The following LTBP1 variants were observed in gnomAD, a reference collection of about 807,000 sequenced individuals.
The protein encoded by LTBP1 is latent-transforming growth factor beta-binding protein 1.
A neutral mutation model predicts 207.6 loss-of-function variants in LTBP1; 129 were observed. The ratio of observed to expected loss-of-function variants is 0.62; its 90% confidence interval spans 0.54 to 0.72. The LOEUF (loss-of-function observed/expected upper bound fraction) is 0.72. Ranked by LOEUF, LTBP1 falls within the 30% of genes least tolerant of loss-of-function variation. The probability of loss-of-function intolerance (pLI) is 0.00; values close to 1 mark genes in which losing one functional copy is unlikely to be tolerated. For synonymous variants in LTBP1, 963 were observed against 833.7 expected (o/e 1.16, Z -2.67); for missense variants, 2,281 against 2,217.2 (o/e 1.03, Z -0.58).
intron 19 of LTBP1, among the ~76,000 whole-genome samples, chr2:33,289,854 C>G (rs550214917): frequency 6.6e-6 from 1 of 152,296 alleles, no homozygotes; most frequent in Admixed American, 6.5e-5. Context: ...AATCATCTCC[C>G]TCTGCTTCAG....
At chr2:33,056,897 T>C (rs2077028614) in intron 3 of LTBP1, among the ~76,000 whole-genome samples, 1 of 152,120 alleles carries the variant, frequency 6.6e-6, no homozygotes, top group Admixed American at 6.5e-5. Flanking sequence ...ATCCTGCCGA[T>C]TGGTCCATTT....
intron 24 of LTBP1, chr2:33,317,865 G>A (rs946888594): frequency 1.6e-5 from 2 of 128,802 alleles, no homozygotes; most frequent in Non-Finnish European, 3.2e-5. Context: ...ACAATGAAGA[G>A]GCAAACTCTG....
At chr2:33,280,461 C>T (rs190471583) in intron 19 of LTBP1, among the ~76,000 whole-genome samples, 39 of 152,024 alleles carry the variant, frequency 2.6e-4, no homozygotes, top group African/African-American at 9.2e-4. Flanking sequence ...AGATGGAGAG[C>T]AAAACACTTA....
rs934658377 is a variant in LTBP1, at chr2:33,029,212, C to T, written c.863+8006C>T. ...TATTATTTGTCCGGGCGTGATGGCT[C>T]ACACCTGTCATCACAGCACTTTGGG... is the stretch of plus-strand genomic sequence containing the variant. On this transcript the variant is annotated intron_variant, in intron 3 of 33. Coordinates refer to ENST00000404816, the MANE Select transcript of LTBP1 (RefSeq NM_206943.4). 4.6e-5 allele frequency among the ~76,000 whole-genome samples: 7 copies of T among 152,300 alleles called. No homozygotes were observed. The South Asian group carries it at 6.2e-4, about 14-fold the overall frequency.
At position 32,959,619 on chromosome 2, in the gene LTBP1, A is replaced by ATTTTTTTT. The variant is rs1378144146; in HGVS notation, c.565+10675_565+10676insTTTTTTTT. The stretch of plus-strand genomic sequence containing the variant: ...CGTGTATATATATATATATATATAT[A>ATTTTTTTT]TATTTTTTTTTTTTTTTTTGAGATG... On this transcript the variant is annotated intron_variant, in intron 2 of 33. Transcript: ENST00000404816. Among the ~76,000 whole-genome samples, 187 of 48,058 alleles carry ATTTTTTTT rather than the reference A, an allele frequency of 3.9e-3. 1 individual carries two copies. Among genetic ancestry groups the ATTTTTTTT allele is most frequent in the South Asian group, 5.8e-3 (4 of 694 alleles). 31.5% of individuals were successfully genotyped at this position (48,058 alleles called of 152,430 possible). A position where few individuals can be genotyped will look rare whatever the true frequency, so the allele number is the denominator to read the frequency against.
chr2:33,064,551 G>C (rs2077416044), intron 3 of LTBP1, among the ~76,000 whole-genome samples: 1 of 152,210 alleles, frequency 6.6e-6, no homozygotes, highest in Non-Finnish European at 1.5e-5. Context: ...TAGTAGGTTT[G>C]TGTCGCAGTT....
intron 24 of LTBP1, among the ~76,000 whole-genome samples, chr2:33,341,894 A>G (rs566904943): frequency 6.6e-6 from 1 of 152,100 alleles, no homozygotes; most frequent in Non-Finnish European, 1.5e-5. Context: ...ATAAAAGTGC[A>G]ATCTTCTTCA....
chr2:32,971,961 C>G (rs1680943564), intron 2 of LTBP1, among the ~76,000 whole-genome samples: 1 of 152,186 alleles, frequency 6.6e-6, no homozygotes, highest in East Asian at 1.9e-4. Flanking sequence ...CTTTTTATTA[C>G]TGATTGAATT....
At chr2:33,396,411 A>G (rs1411232677) in intron 32 of LTBP1, among the ~76,000 whole-genome samples, 1 of 152,078 alleles carries the variant, frequency 6.6e-6, no homozygotes, top group African/African-American at 2.4e-5. Flanking sequence ...TAGTAGAGAC[A>G]GGGTTTCACC....
At chr2:33,344,203 C>T (rs1332360529) in intron 25 of LTBP1, among the ~76,000 whole-genome samples, 1 of 152,188 alleles carries the variant, frequency 6.6e-6, no homozygotes, top group Non-Finnish European at 1.5e-5. Flanking sequence ...TAAGCAGTAG[C>T]TAGTCAAAAA....
intron 10 of LTBP1, among the ~76,000 whole-genome samples, chr2:33,248,597 T>A (rs1478307494): frequency 2.6e-5 from 4 of 151,902 alleles, no homozygotes; most frequent in Non-Finnish European, 5.9e-5. Context: ...TTTTTTTTTT[T>A]TTTTTTTGAG....
chr2:32,995,200 C>G (rs1232640354), intron 2 of LTBP1, among the ~76,000 whole-genome samples: 1 of 151,770 alleles, frequency 6.6e-6, no homozygotes, highest in Admixed American at 6.6e-5. Context: ...AAAAACCGCT[C>G]TTCAGATGAC....
At chr2:33,333,371 G>T (rs960659271) in intron 24 of LTBP1, among the ~76,000 whole-genome samples, 2 of 152,096 alleles carry the variant, frequency 1.3e-5, no homozygotes, top group Admixed American at 1.3e-4. Flanking sequence ...TGGCAATGGG[G>T]TTAGAGGAGC....
At chr2:33,348,965 A>C (rs768394506) in intron 26 of LTBP1, among the ~76,000 whole-genome samples, 4 of 152,154 alleles carry the variant, frequency 2.6e-5, no homozygotes, top group Non-Finnish European at 4.4e-5. Flanking sequence ...AGACTGTCTT[A>C]TGACAGTCTT....
chr2:33,045,176 G>A (rs1449880297), intron 3 of LTBP1, among the ~76,000 whole-genome samples: 9 of 152,090 alleles, frequency 5.9e-5, no homozygotes, highest in Non-Finnish European at 1.2e-4. Context: ...TTTTAGTCAC[G>A]AAGTCTTTGC....
chr2:33,275,318 A>G (rs1347699755), intron 17 of LTBP1, among the ~76,000 whole-genome samples: 5 of 152,210 alleles, frequency 3.3e-5, no homozygotes, highest in Admixed American at 3.3e-4. Context: ...ATTAAATGTT[A>G]CTTTTGGACC....
At chr2:33,335,480 G>A (rs920880405) in intron 24 of LTBP1, among the ~76,000 whole-genome samples, 8 of 152,136 alleles carry the variant, frequency 5.3e-5, no homozygotes, top group Non-Finnish European at 7.3e-5. Flanking sequence ...CAGCCTTGTC[G>A]ATGTTGCCAG....
chr2:33,158,675 G>A (rs1001005290), intron 5 of LTBP1, among the ~76,000 whole-genome samples: 13 of 152,162 alleles, frequency 8.5e-5, no homozygotes, highest in African/African-American at 3.1e-4. Context: ...GAAAATGGAA[G>A]ATTTCTTTCC....
intron 19 of LTBP1, among the ~76,000 whole-genome samples, chr2:33,288,198 A>T (rs6739030): frequency 1.3e-5 from 2 of 151,992 alleles, no homozygotes; most frequent in Admixed American, 6.5e-5. Context: ...GAAGTAATAC[A>T]GGTAAATTAC....
Sources: allele counts gnomAD v4.1 joint callset (sites outside exome capture counted in the v4.1 genomes callset), GRCh38; gene constraint gnomAD v4.1.1; transcripts MANE v1.5; gene names NCBI Gene and HGNC (gene_info 2026-07-23, HGNC 2026-07-21).